The following ARB2A variants were observed in gnomAD, a reference collection of about 807,000 sequenced individuals.
ARB2A encodes the protein ARB2 cotranscriptional regulator A.
the ARB2A span, among the ~76,000 whole-genome samples, chr5:93,852,726 G>T: frequency 6.6e-6 from 1 of 152,062 alleles, no homozygotes; most frequent in Admixed American, 6.5e-5. Context: ...TTTCCCTATT[G>T]CTTGTTTTTC....
the ARB2A span, among the ~76,000 whole-genome samples, chr5:93,929,143 C>G: frequency 6.6e-6 from 1 of 152,046 alleles, no homozygotes. Context: ...GGTTACAACT[C>G]CCAAACACTG....
chr5:93,672,499 G>A, the ARB2A span, among the ~76,000 whole-genome samples: 50 of 151,864 alleles, frequency 3.3e-4, no homozygotes, highest in South Asian at 9.8e-3. Context: ...TAGTAGAGAC[G>A]GGGTTTCACC....
the ARB2A span, chr5:93,958,853 T>C: frequency 2.5e-6 from 4 of 1,607,738 alleles, no homozygotes; most frequent in Non-Finnish European, 1.7e-6. Flanking sequence ...TCTAGCCCAC[T>C]GCCCTGCCCT....
chr5:93,915,882 G>A, the ARB2A span, among the ~76,000 whole-genome samples: 1 of 151,974 alleles, frequency 6.6e-6, no homozygotes, highest in Non-Finnish European at 1.5e-5. Flanking sequence ...AGAAAGATTA[G>A]GAAAGCTAGT....
At chr5:94,013,273 G>T in the ARB2A span, among the ~76,000 whole-genome samples, 2 of 150,962 alleles carry the variant, frequency 1.3e-5, no homozygotes, top group Non-Finnish European at 2.9e-5. Flanking sequence ...CTGCCTCCCG[G>T]GTTCAAGCAA....
chr5:93,946,147 T>C, the ARB2A span, among the ~76,000 whole-genome samples: 2 of 152,002 alleles, frequency 1.3e-5, no homozygotes, highest in African/African-American at 2.4e-5. Flanking sequence ...AGGGCATATA[T>C]CAAGAAAACA....
At chr5:93,978,801 C>A in the ARB2A span, among the ~76,000 whole-genome samples, 3 of 151,976 alleles carry the variant, frequency 2.0e-5, no homozygotes, top group East Asian at 5.8e-4. Context: ...AATATTCTTT[C>A]TATATTACAA....
the ARB2A span, among the ~76,000 whole-genome samples, chr5:93,761,578 C>G: frequency 2.6e-5 from 4 of 152,178 alleles, no homozygotes; most frequent in Non-Finnish European, 5.9e-5. Flanking sequence ...CTGGGTGGAG[C>G]CCACCTCAGC....
At chr5:93,714,586 TC>T in the ARB2A span, among the ~76,000 whole-genome samples, 87 of 152,338 alleles carry the variant, frequency 5.7e-4, 4 homozygotes, top group East Asian at 0.016. Flanking sequence ...ACCTTCTCCT[TC>T]CCCTCATTTT....
chr5:93,912,523 T>C, the ARB2A span, among the ~76,000 whole-genome samples: 4 of 151,772 alleles, frequency 2.6e-5, no homozygotes, highest in African/African-American at 7.3e-5. Flanking sequence ...AAAGCAAATA[T>C]AATAACACTT....
the ARB2A span, among the ~76,000 whole-genome samples, chr5:94,067,934 CA>C: frequency 1.2e-4 from 19 of 152,296 alleles, no homozygotes; most frequent in Admixed American, 2.0e-4. Context: ...TACAAAGTTA[CA>C]GTAACCAAAA....
At chr5:93,816,968 A>C in the ARB2A span, among the ~76,000 whole-genome samples, 1 of 152,110 alleles carries the variant, frequency 6.6e-6, no homozygotes, top group Non-Finnish European at 1.5e-5. Context: ...TGGCAAAAAA[A>C]CAAAAATATA....
chr5:94,082,494 C>T, the ARB2A span, among the ~76,000 whole-genome samples: 1 of 152,234 alleles, frequency 6.6e-6, no homozygotes, highest in Non-Finnish European at 1.5e-5. Flanking sequence ...ATATGAATGA[C>T]ACCAACAATA....
chr5:93,702,525 T>G, the ARB2A span, among the ~76,000 whole-genome samples: 1 of 152,190 alleles, frequency 6.6e-6, no homozygotes, highest in African/African-American at 2.4e-5. Context: ...CATTTGGCTA[T>G]GAAAAGGAAT....
the ARB2A span, among the ~76,000 whole-genome samples, chr5:94,045,798 C>T: frequency 6.6e-6 from 1 of 152,162 alleles, no homozygotes; most frequent in African/African-American, 2.4e-5. Flanking sequence ...ATACAGTAAA[C>T]TCATCCCTTT....
chr5:93,921,740 C>A, the ARB2A span, among the ~76,000 whole-genome samples: 1 of 152,122 alleles, frequency 6.6e-6, no homozygotes, highest in East Asian at 1.9e-4. Flanking sequence ...AGCTGCTAAT[C>A]GTTGAAGGAA....
chr5:94,073,901 A>G, the ARB2A span, among the ~76,000 whole-genome samples: 1 of 152,152 alleles, frequency 6.6e-6, no homozygotes, highest in African/African-American at 2.4e-5. Context: ...GGTCAAAGGC[A>G]AAAGTAAATT....
the ARB2A span, among the ~76,000 whole-genome samples, chr5:93,923,640 T>A: frequency 6.6e-6 from 1 of 152,098 alleles, no homozygotes; most frequent in Admixed American, 6.6e-5. Context: ...TGAGACTTCA[T>A]CTCTACTACA....
At chr5:94,024,483 T>C in the ARB2A span, among the ~76,000 whole-genome samples, 1 of 152,226 alleles carries the variant, frequency 6.6e-6, no homozygotes, top group African/African-American at 2.4e-5. Flanking sequence ...CATATATACA[T>C]ATTCATCCTG....
Sources: allele counts gnomAD v4.1 joint callset (sites outside exome capture counted in the v4.1 genomes callset), GRCh38; gene constraint gnomAD v4.1.1; transcripts MANE v1.5; gene names NCBI Gene and HGNC (gene_info 2026-07-23, HGNC 2026-07-21).